Variants in ZCCHC2 observed in about 807,000 individuals in gnomAD.
ZCCHC2 encodes the protein zinc finger CCHC-type containing 2.
Under a neutral mutation model 103.6 loss-of-function variants are expected in ZCCHC2, and 39 were observed. The ratio of observed to expected loss-of-function variants is 0.38; its 90% CI spans 0.29 to 0.49. The LOEUF is 0.49. Ranked by LOEUF, ZCCHC2 falls within the 20% of genes least tolerant of loss-of-function variation. The pLI, the probability that ZCCHC2 is intolerant of heterozygous loss-of-function variation, is 0.96. For missense variants in ZCCHC2, 1,483 were observed against 1,491.0 expected (o/e 0.99, Z 0.09); for synonymous variants, 687 against 608.9 (o/e 1.13, Z -1.89).
intron 14 of ZCCHC2, among the ~76,000 whole-genome samples, chr18:62,583,841 G>A (rs1846316188): frequency 6.6e-6 from 1 of 152,132 alleles, no homozygotes; most frequent in African/African-American, 2.4e-5. Flanking sequence ...AAGGATGAGG[G>A]GCTCTGGGGT....
rs1457009849 is a variant in ZCCHC2, at chr18:62,577,165, G to T, written c.*586G>T. ...GGAGGAATCAAACTCCCAAAATAGTGTGTATATATGTAATAAACAGCGTCA... is the reference window on the plus strand; with the variant it reads ...GGAGGAATCAAACTCCCAAAATAGTTTGTATATATGTAATAAACAGCGTCA... On this transcript the variant is annotated 3_prime_UTR_variant, in exon 14 of 14. Transcript: ENST00000269499. The T allele has an allele frequency of 6.5e-6, 1 of 153,312 alleles. No homozygotes were observed. The highest frequency in any genetic ancestry group is 1.5e-5 in the Non-Finnish European group (1 of 68,544). 9.5% of individuals were successfully genotyped at this position (153,312 alleles called of 1,614,324 possible). A position where few individuals can be genotyped will look rare whatever the true frequency, so the allele number is the denominator to read the frequency against.
chr18:62,550,274 A>G (rs904579096), intron 4 of ZCCHC2, 74 bp from the exon 5 acceptor site: 2 of 1,103,884 alleles, frequency 1.8e-6, no homozygotes, highest in Non-Finnish European at 2.6e-6. Flanking sequence ...TCTTCATTTT[A>G]TGCATATAAC....
At chr18:62,556,425 C>G in intron 6 of ZCCHC2, 128 bp downstream of exon 6, 1 of 698,698 alleles carries the variant, frequency 1.4e-6, no homozygotes, top group Non-Finnish European at 2.3e-6. Flanking sequence ...TTTTTAATGT[C>G]ATTTTTAATG....
chr18:62,554,747 T>C (rs1915812542), intron 5 of ZCCHC2, among the ~76,000 whole-genome samples: 1 of 152,230 alleles, frequency 6.6e-6, no homozygotes. Flanking sequence ...CTTTGGATTT[T>C]AATGTCAGCC....
chr18:62,563,033 A>G lies in ZCCHC2; in HGVS notation c.1575A>G (p.Pro525=). 1 of 1,613,260 alleles carries G rather than the reference A, an allele frequency of 6.2e-7. No individual in the cohort carries two copies. The highest frequency in any genetic ancestry group is 8.5e-7 in the Non-Finnish European group (1 of 1,179,262). The change falls in exon 9 of 14, where the codon CCA becomes CCG. Residue 525 remains proline (P), a synonymous_variant. Coordinates refer to ENST00000269499, the MANE Select transcript of ZCCHC2 (RefSeq NM_017742.6). ...GCAATATTGGTACAAGTTGTTCTCC[A>G]TTGGATGGGCTTACCATGCAATATT... ...IVNNIGTSCS[P]LDGLTMQYSE...
At chr18:62,554,318 G>T (rs1915789849) in intron 5 of ZCCHC2, among the ~76,000 whole-genome samples, 1 of 152,202 alleles carries the variant, frequency 6.6e-6, no homozygotes, top group Non-Finnish European at 1.5e-5. Context: ...ATCTTGGTTG[G>T]TACAGGACAC....
chr18:62,578,870 C>T (rs1916962816), downstream of ZCCHC2, among the ~76,000 whole-genome samples: 1 of 152,110 alleles, frequency 6.6e-6, no homozygotes, highest in South Asian at 2.1e-4. Flanking sequence ...TGGATTCAAG[C>T]GATTCTCCTG....
At chr18:62,533,077 T>G (rs890688570) in intron 1 of ZCCHC2, among the ~76,000 whole-genome samples, 7 of 151,008 alleles carry the variant, frequency 4.6e-5, no homozygotes, top group Non-Finnish European at 8.9e-5. Context: ...GACCCTGTCT[T>G]AAAAATAAGT....
rs1172628431 is a variant in ZCCHC2 at position 62,544,195 on chromosome 18, T to C, written c.1129-607T>C. The stretch of plus-strand genomic sequence containing the variant: ...CACAAGAGATGTCAGTTCTGACTCT[T>C]GCAACCTACTTAGAGTCACACACCT... On this transcript the variant is annotated intron_variant, in intron 3 of 13. Transcript: ENST00000269499. Among the ~76,000 whole-genome samples the C allele has an allele frequency of 2.0e-5, 3 of 152,200 alleles. No homozygotes were observed. The East Asian group carries it at 5.8e-4, about 29-fold the overall frequency.
chr18:62,576,560 C>T lies in ZCCHC2; in HGVS notation c.3518C>T (p.Thr1173Met), dbSNP rs1339946823. ...CCTCCCCTCCCCCCTTCTAATGATA[C>T]GTTGGATTCTGCAGACTGAAACGAG... ...YAPPLPPSND[T>M]LDSAD The change falls in exon 14 of 14, where the codon ACG becomes ATG. Residue 1173 changes from threonine to methionine, a missense_variant. Thr to Met is a moderately conservative substitution (Grantham distance 81). Coordinates refer to ENST00000269499, the MANE Select transcript of ZCCHC2 (RefSeq NM_017742.6). 1 of 1,613,718 alleles carries T rather than the reference C, an allele frequency of 6.2e-7. No homozygotes were observed. Among genetic ancestry groups the T allele is most frequent in the Non-Finnish European group, 8.5e-7 (1 of 1,179,748 alleles).
rs1274139041 is a variant in ZCCHC2 at position 62,523,200 on chromosome 18, C to G, written c.-225C>G. 1.7e-5 allele frequency: 3 copies of G among 180,882 alleles called. No individual in the cohort carries two copies. The East Asian group carries it at 5.7e-4, about 34-fold the overall frequency. 11.2% of individuals were successfully genotyped at this position (180,882 alleles called of 1,614,324 possible). On this transcript the variant is annotated 5_prime_UTR_variant, in exon 1 of 14. Transcript: ENST00000269499. ...CGGCGAGGAGCCCAGGGGGAGGAGC[C>G]GTCGCGGGCACGCCCCGCCCCCAGC...
chr18:62,564,678 T>A, intron 10 of ZCCHC2, 43 bp downstream of exon 10: 2 of 1,355,806 alleles, frequency 1.5e-6, no homozygotes, highest in Non-Finnish European at 2.0e-6. Flanking sequence ...CCTTTGATAA[T>A]AGGCCTGTTT....
In ZCCHC2 at chr18:62,524,337, T is replaced by G. The variant is rs953088865; in HGVS notation, c.913T>G (p.Cys305Gly). ...GGACGCGGAGGTGGAGGTAGAGCCG[T>G]GCAAGTTTGCCGGCCCCAGGGCCCA... is the stretch of plus-strand genomic sequence containing the variant. Reference protein sequence around the residue: ...PEDAEVEVEPCKFAGPRAQNN... With the variant: ...PEDAEVEVEPGKFAGPRAQNN... The change falls in exon 1 of 14, where the codon TGC (cysteine) becomes GGC (glycine). Residue 305 changes from cysteine to glycine, a missense_variant. Physicochemically the swap from Cys to Gly is radical, Grantham distance 159. Transcript: ENST00000269499. 4.4e-5 allele frequency: 68 copies of G among 1,535,390 alleles called. No homozygotes were observed. The highest frequency in any genetic ancestry group is 5.8e-5 in the Non-Finnish European group (66 of 1,141,168).
chr18:62,576,665 T>C lies in ZCCHC2; in HGVS notation c.*86T>C. 1 of 1,303,064 alleles carries C rather than the reference T, an allele frequency of 7.7e-7. No individual in the cohort carries two copies. The highest frequency in any genetic ancestry group is 1.1e-6 in the Non-Finnish European group (1 of 923,970). The allele number at this position is 1,303,064 out of a possible 1,614,324, so 80.7% of individuals were successfully genotyped here. ...GAGGAAAGGAAAGGTATTTTGTTTCTTTGTCTATACATTTCCTAGATTTCT... is the reference window on the plus strand; with the variant it reads ...GAGGAAAGGAAAGGTATTTTGTTTCCTTGTCTATACATTTCCTAGATTTCT... On this transcript the variant is annotated 3_prime_UTR_variant, in exon 14 of 14. Coordinates refer to ENST00000269499, the MANE Select transcript of ZCCHC2 (RefSeq NM_017742.6).
chr18:62,556,153 T>A lies in ZCCHC2; in HGVS notation c.1314-50T>A, dbSNP rs1915874544. 2.8e-6 allele frequency: 4 copies of A among 1,444,012 alleles called. No individual in the cohort carries two copies. In the East Asian group the frequency reaches 9.8e-5, roughly 35 times the overall value. 89.4% of individuals were successfully genotyped at this position (1,444,012 alleles called of 1,614,324 possible). On this transcript the variant is annotated intron_variant, in intron 5 of 13. Transcript: ENST00000269499. ...TTTATAATTGAAACTGAGCTTCTTGTGGATTAACATTACCTGAAATTAACA... is the reference window on the plus strand; with the variant it reads ...TTTATAATTGAAACTGAGCTTCTTGAGGATTAACATTACCTGAAATTAACA...
chr18:62,538,149 A>G (rs1292982472), intron 1 of ZCCHC2, among the ~76,000 whole-genome samples: 3 of 151,318 alleles, frequency 2.0e-5, no homozygotes, highest in Non-Finnish European at 4.4e-5. Flanking sequence ...TAATTCCAGC[A>G]CTTTGGGATG....
chr18:62,551,756 T>C (rs149301214), intron 5 of ZCCHC2: 4 of 153,206 alleles, frequency 2.6e-5, no homozygotes, highest in Non-Finnish European at 5.9e-5. Context: ...TCAGGAATCA[T>C]GGCCAAGGAA....
intron 13 of ZCCHC2, among the ~76,000 whole-genome samples, chr18:62,576,157 T>C (rs1916833608): frequency 6.6e-6 from 1 of 152,188 alleles, no homozygotes; most frequent in Non-Finnish European, 1.5e-5. Context: ...AAGAAAATGG[T>C]CTTACCTATG....
intron 6 of ZCCHC2, chr18:62,558,431 G>A (rs1030617377): frequency 4.2e-6 from 1 of 238,034 alleles, no homozygotes; most frequent in Non-Finnish European, 8.1e-6. Context: ...TTTTGCACAT[G>A]AGCACACTGG....
Sources: allele counts gnomAD v4.1 joint callset (sites outside exome capture counted in the v4.1 genomes callset), GRCh38; gene constraint gnomAD v4.1.1; transcripts MANE v1.5; gene names NCBI Gene and HGNC (gene_info 2026-07-23, HGNC 2026-07-21).